Variants in TNRC6C observed in about 807,000 individuals in gnomAD.
TNRC6C encodes the protein trinucleotide repeat containing adaptor 6C.
TNRC6C carries 20 observed loss-of-function variants against 153.7 expected under a neutral mutation model. The observed-to-expected ratio is 0.13, with a 90% confidence interval of 0.09 to 0.19. The LOEUF (loss-of-function observed/expected upper bound fraction) is 0.19, where lower values mean the gene tolerates loss of function less well. Ranked by LOEUF, TNRC6C falls within the 10% of genes least tolerant of loss-of-function variation. TNRC6C has a pLI of 1.00. For missense variants in TNRC6C, 1,987 were observed against 2,172.0 expected (o/e 0.91, Z 1.69); for synonymous variants, 811 against 841.4 (o/e 0.96, Z 0.63).
At chr17:77,958,028 G>C (rs1048767538), upstream of TNRC6C, among the ~76,000 whole-genome samples, 2 of 152,100 alleles carry the variant, frequency 1.3e-5, no homozygotes, top group Non-Finnish European at 2.9e-5. Flanking sequence ...GAGCGACTGA[G>C]CGCAAGGGCG....
chr17:77,981,792 G>T (rs2144107862), intron 1 of TNRC6C, among the ~76,000 whole-genome samples: 1 of 152,258 alleles, frequency 6.6e-6, no homozygotes, highest in East Asian at 1.9e-4. Context: ...TATTGTCTAT[G>T]GCTGGATTCA....
chr17:78,067,988 A>G (rs2072916724), intron 5 of TNRC6C, 65 bp downstream of exon 7: 1 of 1,512,180 alleles, frequency 6.6e-7, no homozygotes, highest in South Asian at 1.3e-5. Flanking sequence ...CACATTCAGT[A>G]TCCAGTTAAT....
chr17:78,037,634 A>G (rs1349377557), intron 2 of TNRC6C, among the ~76,000 whole-genome samples: 3 of 152,210 alleles, frequency 2.0e-5, no homozygotes, highest in Non-Finnish European at 2.9e-5. Context: ...GCCTCTCAGT[A>G]AGCGCTGCAG....
chr17:78,085,936 C>T (rs1341959052), intron 11 of TNRC6C, among the ~76,000 whole-genome samples: 1 of 151,764 alleles, frequency 6.6e-6, no homozygotes, highest in Non-Finnish European at 1.5e-5. Flanking sequence ...ACATCATCAC[C>T]AACACTAAAC....
intron 1 of TNRC6C, among the ~76,000 whole-genome samples, chr17:77,988,336 C>T (rs1051999849): frequency 2.0e-5 from 3 of 152,182 alleles, no homozygotes; most frequent in Non-Finnish European, 4.4e-5. Context: ...AGCACCACTG[C>T]ACTCCAGCCT....
intron 1 of TNRC6C, among the ~76,000 whole-genome samples, chr17:77,997,941 AC>A (rs1429095441): frequency 9.8e-5 from 15 of 152,356 alleles, no homozygotes; most frequent in African/African-American, 3.1e-4. Flanking sequence ...GGCGTGAGCC[AC>A]TGCGCCTGGC....
intron 1 of TNRC6C, among the ~76,000 whole-genome samples, chr17:78,022,939 TTATA>T (rs1273895475): frequency 6.6e-6 from 1 of 152,220 alleles, no homozygotes; most frequent in Non-Finnish European, 1.5e-5. Context: ...TAACAGCTAT[TTATA>T]TAGCATGTAA....
At chr17:78,093,856 A>C (rs894360004) in intron 16 of TNRC6C, 93 bp downstream of exon 18, 2 of 1,531,626 alleles carry the variant, frequency 1.3e-6, no homozygotes, top group East Asian at 4.6e-5. Flanking sequence ...TGAGGCAGGG[A>C]TGATACAAGG....
intron 17 of TNRC6C, among the ~76,000 whole-genome samples, chr17:78,102,232 C>T (rs187391737): frequency 7.9e-5 from 12 of 152,264 alleles, no homozygotes; most frequent in African/African-American, 2.2e-4. Flanking sequence ...ACAGGCCTCC[C>T]GGGCTGGTGG....
intron 16 of TNRC6C, among the ~76,000 whole-genome samples, chr17:78,097,115 T>C (rs2073501499): frequency 6.6e-6 from 1 of 152,200 alleles, no homozygotes; most frequent in African/African-American, 2.4e-5. Flanking sequence ...CTCCGGAGGC[T>C]GAGGCAAGAG....
chr17:78,045,987 C>T (rs1437414995), intron 2 of TNRC6C, among the ~76,000 whole-genome samples: 1 of 151,842 alleles, frequency 6.6e-6, no homozygotes, highest in Non-Finnish European at 1.5e-5. Context: ...CAGAGGGAAC[C>T]ACAATTCAAA....
exon 17 of TNRC6C, chr17:78,098,448 C>G (rs1231218440): frequency 6.2e-7 from 1 of 1,613,876 alleles, no homozygotes; most frequent in African/African-American, 1.3e-5. Context: ...AGTACTGCAC[C>G]CACGAGGCCA....
chr17:78,084,691 C>T (rs1211866670), intron 11 of TNRC6C, among the ~76,000 whole-genome samples: 9 of 150,580 alleles, frequency 6.0e-5, no homozygotes, highest in Non-Finnish European at 4.4e-5. Context: ...TGCAGTGGCA[C>T]GATCATGGCT....
chr17:78,051,200 C>G, exon 3 of TNRC6C: 1 of 1,572,618 alleles, frequency 6.4e-7, no homozygotes. Context: ...TGGGAAGAAC[C>G]CTCTCCACCG....
In TNRC6C at chr17:78,023,188, A is replaced by G. The variant is rs1240225130; in HGVS notation, c.-545-8328A>G. Among the ~76,000 whole-genome samples the G allele has an allele frequency of 2.0e-5, 3 of 152,238 alleles. No individual in the cohort carries two copies. The East Asian group carries it at 5.8e-4, about 29-fold the overall frequency. On this transcript the variant is annotated intron_variant, in intron 1 of 19. Coordinates refer to ENST00000301624, the Ensembl canonical transcript of TNRC6C. The stretch of plus-strand genomic sequence containing the variant: ...GGAGGATATGCGTAGGTTATACGCA[A>G]ATAATAACCTGTTTTATAACAGGGA...
intron 1 of TNRC6C, among the ~76,000 whole-genome samples, chr17:78,026,550 A>T (rs2143639592): frequency 6.6e-6 from 1 of 152,354 alleles, no homozygotes; most frequent in South Asian, 2.1e-4. Context: ...CCTAGAATTG[A>T]TGAAATGTGG....
At chr17:78,004,688 A>G (rs1375760732), upstream of TNRC6C, among the ~76,000 whole-genome samples, 4 of 152,212 alleles carry the variant, frequency 2.6e-5, no homozygotes, top group African/African-American at 7.2e-5. Context: ...TAAAAGCCCT[A>G]CTGTAAACTT....
In TNRC6C at chr17:78,049,614, A is replaced by G; in HGVS notation, c.552A>G (p.Pro184=). The G allele has an allele frequency of 6.2e-7, 1 of 1,614,042 alleles. No homozygotes were observed. Among genetic ancestry groups the G allele is most frequent in the Non-Finnish European group, 8.5e-7 (1 of 1,179,890 alleles). ...CTCAGAACCTTAACACTGATGGACC[A>G]AATAACACTAACCCCATGAACTCTT... is the stretch of plus-strand genomic sequence containing the variant. The change falls in exon 3 of 20, where the codon CCA becomes CCG. Residue 184 remains proline, a synonymous_variant. Coordinates refer to ENST00000301624, the Ensembl canonical transcript of TNRC6C. The surrounding 1 kb of genome is among the most constrained non-coding windows in gnomAD (Gnocchi z 4.1).
intron 4 of TNRC6C, 55 bp from the exon 7 acceptor site, chr17:78,067,702 C>A (rs2072909716): frequency 6.6e-7 from 1 of 1,507,700 alleles, no homozygotes; most frequent in East Asian, 2.4e-5. Context: ...ACAGTGGAAG[C>A]ATTGTCTGCG....
Sources: gnomAD v4.1 joint callset for allele counts (sites outside exome capture counted in the v4.1 genomes callset) on GRCh38, gnomAD v4.1.1 for gene constraint, Gnocchi (gnomAD v3.1) non-coding constraint, MANE v1.5 for transcripts, NCBI Gene and HGNC (gene_info 2026-07-23, HGNC 2026-07-21) for gene names.